The following NRXN1 variants were observed in gnomAD, a reference collection of about 807,000 sequenced individuals.
NRXN1 encodes neurexin 1, also known as neurexin-1.
A neutral mutation model predicts 150.9 loss-of-function variants in NRXN1; 39 were observed. The observed-to-expected ratio is 0.26, with a 90% CI of 0.20 to 0.34. NRXN1 has a LOEUF of 0.34. Ranked by LOEUF, NRXN1 falls within the 10% of genes least tolerant of loss-of-function variation. The probability of loss-of-function intolerance (pLI) is 1.00; values close to 1 mark genes in which losing one functional copy is unlikely to be tolerated. For missense variants in NRXN1, 1,815 were observed against 1,949.9 expected (o/e 0.93, Z 1.30); for synonymous variants, 924 against 757.0 (o/e 1.22, Z -3.62).
At chr2:51,014,598 G>A (rs1402156174) in intron 2 of NRXN1, among the ~76,000 whole-genome samples, 1 of 151,944 alleles carries the variant, frequency 6.6e-6, no homozygotes, top group Non-Finnish European at 1.5e-5. Flanking sequence ...GGGTGTGGAG[G>A]ATATACAGTT....
intron 18 of NRXN1, among the ~76,000 whole-genome samples, chr2:50,232,433 C>T (rs1319400730): frequency 7.5e-6 from 1 of 133,370 alleles, no homozygotes; most frequent in Non-Finnish European, 1.5e-5. Context: ...TGTTGCCAGG[C>T]TGGAGTACAG....
chr2:49,997,075 A>T (rs1683122402), intron 21 of NRXN1, among the ~76,000 whole-genome samples: 1 of 152,218 alleles, frequency 6.6e-6, no homozygotes, highest in African/African-American at 2.4e-5. Flanking sequence ...CAGAAAACCC[A>T]CAAAGAGAAA....
intron 21 of NRXN1, among the ~76,000 whole-genome samples, chr2:50,019,974 G>A (rs68053653): frequency 0.55 from 36,399 of 65,812 alleles, 10,842 homozygotes; most frequent in Non-Finnish European, 0.62. Flanking sequence ...AAAAAAAAAA[G>A]AGAGAGAGAG....
chr2:50,180,098 T>G (rs2060605814), intron 18 of NRXN1, among the ~76,000 whole-genome samples: 1 of 152,116 alleles, frequency 6.6e-6, no homozygotes, highest in South Asian at 2.1e-4. Context: ...CAGACCTCAC[T>G]GTAGCCTTGA....
At chr2:50,416,444 TCTTATG>T (rs2083545251) in intron 17 of NRXN1, among the ~76,000 whole-genome samples, 1 of 152,100 alleles carries the variant, frequency 6.6e-6, no homozygotes, top group Admixed American at 6.5e-5. Flanking sequence ...ATCCCTTTGG[TCTTATG>T]CTCTATTTCA....
intron 1 of NRXN1, among the ~76,000 whole-genome samples, chr2:51,030,535 AACACACACACAC>A (rs57434663): frequency 2.5e-3 from 367 of 145,346 alleles, no homozygotes; most frequent in African/African-American, 8.4e-3. Context: ...TCTCTCTTTC[AACACACACACAC>A]ACACACACAC....
At chr2:50,306,969 G>C (rs2074677483) in intron 17 of NRXN1, among the ~76,000 whole-genome samples, 1 of 151,876 alleles carries the variant, frequency 6.6e-6, no homozygotes, top group Non-Finnish European at 1.5e-5. Context: ...CCTAATATGA[G>C]CATTTTTTTG....
rs183894670 is a variant in NRXN1, at chr2:50,686,537, T to C, written c.833-62922A>G. Reference sequence around the variant, plus strand: ...TGCCCATCTGCAAAAACACTACTGCTTGTCTTCTTTAATAAATGGAAGCAA... The same window carrying C: ...TGCCCATCTGCAAAAACACTACTGCCTGTCTTCTTTAATAAATGGAAGCAA... On this transcript the variant is annotated intron_variant, in intron 5 of 22. Transcript: ENST00000401669. Among the ~76,000 whole-genome samples the C allele has an allele frequency of 4.5e-4, 68 of 152,326 alleles. No individual in the cohort carries two copies. The South Asian group carries it at 0.014, about 31-fold the overall frequency.
At chr2:50,597,233 T>C (rs1021111937) in intron 8 of NRXN1, among the ~76,000 whole-genome samples, 6 of 152,134 alleles carry the variant, frequency 3.9e-5, no homozygotes, top group Non-Finnish European at 8.8e-5. Context: ...TGGGTCTCTG[T>C]TATAGCTAGC....
intron 18 of NRXN1, among the ~76,000 whole-genome samples, chr2:50,161,775 T>A (rs1291280103): frequency 6.6e-6 from 1 of 152,160 alleles, no homozygotes; most frequent in Non-Finnish European, 1.5e-5. Context: ...ATCTTGCTTA[T>A]TTTTTAACTC....
chr2:50,347,411 T>C lies in NRXN1; in HGVS notation c.3365-110441A>G. 8.6e-7 allele frequency: 1 copy of C among 1,168,056 alleles called. No homozygotes were observed. Among genetic ancestry groups the C allele is most frequent in the Non-Finnish European group, 1.1e-6 (1 of 930,524 alleles). 72.4% of individuals were successfully genotyped at this position (1,168,056 alleles called of 1,614,324 possible). On this transcript the variant is annotated intron_variant, in intron 17 of 22. Transcript: ENST00000401669. The surrounding 1 kb of genome is among the most constrained non-coding windows in gnomAD (Gnocchi z 4.9). ...CACTAGGTAAATCCATTTAGCTTTGTGTGCGGGGACTAGGGAGGCCACTTC... is the reference window on the plus strand; with the variant it reads ...CACTAGGTAAATCCATTTAGCTTTGCGTGCGGGGACTAGGGAGGCCACTTC...
intron 10 of NRXN1, among the ~76,000 whole-genome samples, chr2:50,531,887 C>G (rs2093125514): frequency 1.3e-5 from 2 of 152,150 alleles, no homozygotes; most frequent in South Asian, 4.1e-4. Context: ...TCTGTATCCC[C>G]TAGGCTGGAG....
intron 18 of NRXN1, among the ~76,000 whole-genome samples, chr2:50,126,058 T>G (rs889115488): frequency 1.3e-5 from 2 of 151,942 alleles, no homozygotes; most frequent in African/African-American, 4.8e-5. Context: ...AAAGAAAAAA[T>G]TACAGTCTTA....
At chr2:50,694,145 T>C (rs908405917) in intron 5 of NRXN1, among the ~76,000 whole-genome samples, 1 of 152,130 alleles carries the variant, frequency 6.6e-6, no homozygotes, top group African/African-American at 2.4e-5. Flanking sequence ...ATTTAGCAAG[T>C]GATGTTTAAT....
At chr2:50,309,632 G>A (rs942089832) in intron 17 of NRXN1, among the ~76,000 whole-genome samples, 1 of 152,082 alleles carries the variant, frequency 6.6e-6, no homozygotes, top group Admixed American at 6.6e-5. Context: ...ATAAAATCAG[G>A]CCAGTTTATC....
intron 12 of NRXN1, among the ~76,000 whole-genome samples, chr2:50,508,866 A>G (rs568505214): frequency 5.3e-5 from 8 of 152,322 alleles, no homozygotes. Flanking sequence ...TTTAGAAGAT[A>G]AGGTTTTTAA....
chr2:51,005,745 T>G (rs1303934645), intron 2 of NRXN1, among the ~76,000 whole-genome samples: 1 of 151,724 alleles, frequency 6.6e-6, no homozygotes, highest in Non-Finnish European at 1.5e-5. Flanking sequence ...AAAATAACCA[T>G]AAAACAATCA....
chr2:50,395,347 G>A (rs2103863576), intron 17 of NRXN1, among the ~76,000 whole-genome samples: 1 of 151,126 alleles, frequency 6.6e-6, no homozygotes, highest in Middle Eastern at 3.4e-3. Flanking sequence ...TGCTGTTTAG[G>A]AACCCAACAA....
chr2:50,178,924 T>G (rs1157337646), intron 18 of NRXN1, among the ~76,000 whole-genome samples: 1 of 152,152 alleles, frequency 6.6e-6, no homozygotes, highest in African/African-American at 2.4e-5. Flanking sequence ...TGTATGAATT[T>G]CTCCCTGTCT....
Sources: allele counts gnomAD v4.1 joint callset (sites outside exome capture counted in the v4.1 genomes callset), GRCh38; gene constraint gnomAD v4.1.1; non-coding constraint Gnocchi (gnomAD v3.1); transcripts MANE v1.5; gene names NCBI Gene and HGNC (gene_info 2026-07-23, HGNC 2026-07-21).